The following CDC42SE2 variants were observed in gnomAD, a reference collection of about 807,000 sequenced individuals.
The protein encoded by CDC42SE2 is CDC42 small effector protein 2.
A neutral mutation model predicts 11.5 loss-of-function variants in CDC42SE2; 3 were observed. The observed-to-expected ratio is 0.26, with a 90% confidence interval of 0.12 to 0.67. The LOEUF (loss-of-function observed/expected upper bound fraction) is 0.67. Among genes scored for constraint, CDC42SE2 ranks in the 30% least tolerant of loss-of-function variants. CDC42SE2 has a pLI of 0.80. For missense variants in CDC42SE2, 82 were observed against 106.8 expected (o/e 0.77, Z 1.02); for synonymous variants, 33 against 34.8 (o/e 0.95, Z 0.18).
intron 1 of CDC42SE2, among the ~76,000 whole-genome samples, chr5:131,288,775 C>T (rs1488531488): frequency 1.3e-5 from 2 of 152,190 alleles, no homozygotes; most frequent in Admixed American, 6.6e-5. Context: ...GAGATACCTA[C>T]TGACTACTTT....
At chr5:131,386,740 C>T (rs567931661) in intron 4 of CDC42SE2, among the ~76,000 whole-genome samples, 10 of 152,234 alleles carry the variant, frequency 6.6e-5, no homozygotes, top group Admixed American at 2.6e-4. Flanking sequence ...AACAGACTGA[C>T]TCTTTTCCCC....
chr5:131,284,659 A>T (rs974352935), intron 1 of CDC42SE2, among the ~76,000 whole-genome samples: 1 of 151,764 alleles, frequency 6.6e-6, no homozygotes, highest in African/African-American at 2.4e-5. Context: ...TTTTTGGTAG[A>T]GATAGGGTCT....
At chr5:131,372,114 G>A (rs745756848) in intron 3 of CDC42SE2, among the ~76,000 whole-genome samples, 1 of 152,066 alleles carries the variant, frequency 6.6e-6, no homozygotes, top group Non-Finnish European at 1.5e-5. Context: ...ACTTATGCAT[G>A]TACCTGTTAT....
At chr5:131,331,986 C>CT (rs1156317337) in intron 2 of CDC42SE2, among the ~76,000 whole-genome samples, 3 of 152,156 alleles carry the variant, frequency 2.0e-5, no homozygotes, top group Admixed American at 6.5e-5. Flanking sequence ...TATTGTTATA[C>CT]TTTAAGTTTT....
intron 3 of CDC42SE2, among the ~76,000 whole-genome samples, chr5:131,376,626 G>T (rs909272564): frequency 1.3e-5 from 2 of 152,082 alleles, no homozygotes; most frequent in Non-Finnish European, 2.9e-5. Flanking sequence ...CCATTAGGTC[G>T]TTTTTTGATC....
the CDC42SE2 span, among the ~76,000 whole-genome samples, chr5:131,230,762 G>A: frequency 5.3e-5 from 8 of 152,174 alleles, no homozygotes; most frequent in African/African-American, 2.4e-5. Context: ...ACATTAGGGA[G>A]TTTCTGTCTA....
chr5:131,225,170 C>T, the CDC42SE2 span, among the ~76,000 whole-genome samples: 3 of 152,194 alleles, frequency 2.0e-5, no homozygotes, highest in Non-Finnish European at 4.4e-5. Flanking sequence ...ACATTACACA[C>T]AGTGGCTTCT....
chr5:131,295,737 C>T (rs1757558009), intron 1 of CDC42SE2, among the ~76,000 whole-genome samples: 1 of 150,932 alleles, frequency 6.6e-6, no homozygotes, highest in Admixed American at 6.6e-5. Flanking sequence ...GGCTGGAGTG[C>T]AGTGGCACGA....
intron 3 of CDC42SE2, among the ~76,000 whole-genome samples, chr5:131,364,960 C>T (rs140554286): frequency 1.1e-3 from 163 of 152,182 alleles, no homozygotes; most frequent in African/African-American, 3.6e-3. Context: ...AGTTAGACAG[C>T]TAAGGATTGC....
intron 2 of CDC42SE2, among the ~76,000 whole-genome samples, chr5:131,318,748 T>G (rs1362223163): frequency 6.6e-6 from 1 of 152,216 alleles, no homozygotes; most frequent in Non-Finnish European, 1.5e-5. Flanking sequence ...TTGTCTTACA[T>G]TTTTGTGAAA....
In CDC42SE2 at chr5:131,286,674, C is replaced by T. The variant is rs1264743021; in HGVS notation, c.-455+22508C>T. On this transcript the variant is annotated intron_variant, in intron 1 of 4. Coordinates refer to ENST00000505065, the MANE Select transcript of CDC42SE2 (RefSeq NM_001375635.1). ...TCCTCCTTCTCTTCAGTCTACTCAA[C>T]TTGAAGATGATAAGGATGAAGACTT... Among the ~76,000 whole-genome samples the T allele has an allele frequency of 2.6e-5, 4 of 151,978 alleles. No individual in the cohort carries two copies. The East Asian group carries it at 7.7e-4, about 29-fold the overall frequency.
chr5:131,248,810 G>T (rs906206338), intron 1 of CDC42SE2, among the ~76,000 whole-genome samples: 2 of 152,038 alleles, frequency 1.3e-5, no homozygotes, highest in Admixed American at 6.6e-5. Flanking sequence ...ACACGAAAAA[G>T]TTCTGAATAA....
At position 131,361,985 on chromosome 5, in the gene CDC42SE2, G is replaced by T. The variant is rs545534849; in HGVS notation, c.54+2438G>T. Among the ~76,000 whole-genome samples, 13 of 152,244 alleles carry T rather than the reference G, an allele frequency of 8.5e-5. 2 individuals are homozygous for T. In the South Asian group the frequency reaches 2.5e-3, roughly 29 times the overall value. ...CTATGTGTCTGCCTGCTAGGGTCTTGGGTTTTTATAGGCCCAGGATGGGGG... is the reference window on the plus strand; with the variant it reads ...CTATGTGTCTGCCTGCTAGGGTCTTTGGTTTTTATAGGCCCAGGATGGGGG... On this transcript the variant is annotated intron_variant, in intron 3 of 4. Coordinates refer to ENST00000505065, the MANE Select transcript of CDC42SE2 (RefSeq NM_001375635.1).
At chr5:131,303,302 G>C (rs1035125487) in intron 1 of CDC42SE2, among the ~76,000 whole-genome samples, 2 of 152,048 alleles carry the variant, frequency 1.3e-5, no homozygotes, top group Non-Finnish European at 2.9e-5. Flanking sequence ...GAAAGGAATT[G>C]GTATTTGACA....
At chr5:131,301,073 A>G (rs1173713407) in intron 1 of CDC42SE2, among the ~76,000 whole-genome samples, 4 of 152,172 alleles carry the variant, frequency 2.6e-5, no homozygotes, top group East Asian at 1.9e-4. Context: ...ATTGGAAACT[A>G]TATTTATTTG....
At chr5:131,345,939 A>C (rs1233673011) in intron 2 of CDC42SE2, among the ~76,000 whole-genome samples, 1 of 152,178 alleles carries the variant, frequency 6.6e-6, no homozygotes, top group East Asian at 1.9e-4. Context: ...CTTTACAGAC[A>C]AGCAAATGCT....
At chr5:131,389,341 C>G (rs559481022) in intron 4 of CDC42SE2, among the ~76,000 whole-genome samples, 1 of 152,046 alleles carries the variant, frequency 6.6e-6, no homozygotes, top group Non-Finnish European at 1.5e-5. Flanking sequence ...GTTTAAAAAA[C>G]AAACAAACAA....
chr5:131,216,773 C>T, the CDC42SE2 span, among the ~76,000 whole-genome samples: 1 of 152,042 alleles, frequency 6.6e-6, no homozygotes, highest in Non-Finnish European at 1.5e-5. Context: ...GGGGGATTGT[C>T]CAGTCAACTC....
intron 1 of CDC42SE2, among the ~76,000 whole-genome samples, chr5:131,283,234 C>T (rs1757275051): frequency 6.6e-6 from 1 of 151,988 alleles, no homozygotes; most frequent in Admixed American, 6.6e-5. Flanking sequence ...GCCAAAATCA[C>T]CTTTTTTACA....
Sources: allele counts gnomAD v4.1 joint callset (sites outside exome capture counted in the v4.1 genomes callset), GRCh38; gene constraint gnomAD v4.1.1; transcripts MANE v1.5; gene names NCBI Gene and HGNC (gene_info 2026-07-23, HGNC 2026-07-21).